Variants in C12orf75 observed in about 807,000 individuals in gnomAD.
C12orf75 encodes the protein chromosome 12 open reading frame 75.
Under a neutral mutation model 11.4 loss-of-function variants are expected in C12orf75, and 4 were observed. The observed-to-expected ratio is 0.35, with a 90% CI of 0.17 to 0.80. C12orf75 has a LOEUF of 0.80. Among genes scored for constraint, C12orf75 ranks in the 30% least tolerant of loss-of-function variants. The probability of loss-of-function intolerance (pLI) is 0.52; values close to 1 mark genes in which losing one functional copy is unlikely to be tolerated. For synonymous variants in C12orf75, 30 were observed against 30.0 expected (o/e 1.00, Z 0.00); for missense variants, 89 against 80.4 (o/e 1.11, Z -0.41).
chr12:105,357,182 A>G (rs1163604517), intron 2 of C12orf75, among the ~76,000 whole-genome samples: 1 of 152,208 alleles, frequency 6.6e-6, no homozygotes, highest in Admixed American at 6.5e-5. Flanking sequence ...ATAACTACCT[A>G]GAGAATCTGG....
intron 5 of C12orf75, among the ~76,000 whole-genome samples, chr12:105,369,474 G>T (rs1166449956): frequency 6.6e-6 from 1 of 151,772 alleles, no homozygotes; most frequent in Non-Finnish European, 1.5e-5. Flanking sequence ...TAAGTTCTGG[G>T]ATACATGTGC....
intron 4 of C12orf75, 144 bp from the exon 5 acceptor site, chr12:105,367,328 A>C: frequency 2.7e-6 from 1 of 364,882 alleles, no homozygotes; most frequent in Non-Finnish European, 5.3e-6. Context: ...TGAACATACT[A>C]TATTTGTTCC....
chr12:105,336,632 C>G (rs1350840330), intron 1 of C12orf75, among the ~76,000 whole-genome samples: 1 of 152,172 alleles, frequency 6.6e-6, no homozygotes, highest in African/African-American at 2.4e-5. Flanking sequence ...TGGATCATGG[C>G]TGTGGGCCCT....
At chr12:105,342,354 C>T (rs1466964447) in intron 1 of C12orf75, among the ~76,000 whole-genome samples, 1 of 152,132 alleles carries the variant, frequency 6.6e-6, no homozygotes, top group Non-Finnish European at 1.5e-5. Context: ...CAAGTTTGGC[C>T]CCTTCTTGCG....
At chr12:105,344,340 C>T (rs539844260) in intron 1 of C12orf75, among the ~76,000 whole-genome samples, 11 of 152,164 alleles carry the variant, frequency 7.2e-5, no homozygotes, top group Non-Finnish European at 1.3e-4. Context: ...CTTCTGATTC[C>T]ACACTGTTCT....
intron 5 of C12orf75, among the ~76,000 whole-genome samples, chr12:105,370,110 G>A (rs1206268457): frequency 1.3e-5 from 2 of 152,214 alleles, no homozygotes; most frequent in Non-Finnish European, 2.9e-5. Context: ...GGATGCAGAT[G>A]TGTAGTTTCT....
At chr12:105,331,033 CT>C (rs1289613336) in intron 1 of C12orf75, 96 bp downstream of exon 1, 28 of 774,302 alleles carry the variant, frequency 3.6e-5, no homozygotes, top group Admixed American at 4.4e-5. Flanking sequence ...GCGCAGCCCC[CT>C]CTCCCCGTCC....
chr12:105,330,763 C>T lies in C12orf75; in HGVS notation c.-129C>T. On this transcript the variant is annotated 5_prime_UTR_variant, in exon 1 of 6. Transcript: ENST00000443585. ...CCCGGCGGTGGGAGGGGGCGGCCCC[C>T]ACTCGGTTCCTGGCCCCTCGCGGCC... The T allele has an allele frequency of 1.1e-6, 1 of 946,252 alleles. No individual in the cohort carries two copies. The highest frequency in any genetic ancestry group is 1.3e-6 in the Non-Finnish European group (1 of 741,712). The allele number at this position is 946,252 out of a possible 1,614,324, so 58.6% of individuals were successfully genotyped here.
At chr12:105,353,999 T>G (rs184017563) in intron 2 of C12orf75, among the ~76,000 whole-genome samples, 3 of 152,348 alleles carry the variant, frequency 2.0e-5, no homozygotes, top group African/African-American at 7.2e-5. Context: ...TCTTTTATGT[T>G]GAGTTTCTTG....
chr12:105,349,653 A>C (rs987828691), intron 2 of C12orf75, among the ~76,000 whole-genome samples: 2 of 152,168 alleles, frequency 1.3e-5, no homozygotes, highest in East Asian at 3.8e-4. Context: ...AGGCGGGTGG[A>C]TCACTTGAGG....
chr12:105,335,426 T>C (rs1236745596), intron 1 of C12orf75, among the ~76,000 whole-genome samples: 3 of 152,226 alleles, frequency 2.0e-5, no homozygotes, highest in Non-Finnish European at 2.9e-5. Context: ...TTTGTTGATA[T>C]CATTTTTATC....
intron 1 of C12orf75, among the ~76,000 whole-genome samples, chr12:105,347,048 A>T (rs905378696): frequency 6.6e-6 from 1 of 152,196 alleles, no homozygotes; most frequent in Admixed American, 6.5e-5. Flanking sequence ...CCCTCATTTG[A>T]CATAAGGGAG....
chr12:105,348,263 A>G (rs1184042723), intron 1 of C12orf75, among the ~76,000 whole-genome samples: 3 of 152,086 alleles, frequency 2.0e-5, no homozygotes. Context: ...AAAAATACAA[A>G]AATTAACCAG....
Position 105,338,499 on chromosome 12 carries a change from G to A in C12orf75, c.46+7562G>A, listed in dbSNP as rs184038969. ...ATTTTTTGGTTTTTACTTGCCTAAA[G>A]TATAGCTGCTTGTCTTAGTTCATTT... On this transcript the variant is annotated intron_variant, in intron 1 of 5. Transcript: ENST00000443585. 1.3e-3 allele frequency among the ~76,000 whole-genome samples: 192 copies of A among 152,290 alleles called. 2 individuals carry two copies. Among genetic ancestry groups the A allele is most frequent in the African/African-American group, 4.5e-3 (189 of 41,556 alleles).
intron 5 of C12orf75, among the ~76,000 whole-genome samples, chr12:105,368,133 A>C (rs1161481699): frequency 1.3e-5 from 2 of 152,146 alleles, no homozygotes; most frequent in Non-Finnish European, 2.9e-5. Context: ...AAACAAGAAC[A>C]ACGACAAGAG....
At chr12:105,359,998 A>G (rs1183659012) in intron 2 of C12orf75, among the ~76,000 whole-genome samples, 2 of 152,054 alleles carry the variant, frequency 1.3e-5, no homozygotes, top group Non-Finnish European at 2.9e-5. Context: ...CACTTTGTTT[A>G]TCTCCTCCAG....
chr12:105,337,608 C>A (rs920151634), intron 1 of C12orf75, among the ~76,000 whole-genome samples: 7 of 152,136 alleles, frequency 4.6e-5, no homozygotes, highest in African/African-American at 1.2e-4. Context: ...ATCTCTTGAT[C>A]TACCAAAATG....
At chr12:105,359,773 G>GAAA (rs34188320) in intron 2 of C12orf75, among the ~76,000 whole-genome samples, 1 of 83,230 alleles carries the variant, frequency 1.2e-5, no homozygotes, top group East Asian at 5.2e-4. Context: ...TCCTTCTCCA[G>GAAA]AAAAAAAAAA....
At chr12:105,357,778 CTGTGTGTGTGTG>C (rs67643973) in intron 2 of C12orf75, among the ~76,000 whole-genome samples, 4 of 137,338 alleles carry the variant, frequency 2.9e-5, no homozygotes, top group East Asian at 2.1e-4. Context: ...AATGTATTTT[CTGTGTGTGTGTG>C]TGTGTGTGTG....
Sources: gnomAD v4.1 joint callset for allele counts (sites outside exome capture counted in the v4.1 genomes callset) on GRCh38, gnomAD v4.1.1 for gene constraint, MANE v1.5 for transcripts, NCBI Gene and HGNC (gene_info 2026-07-23, HGNC 2026-07-21) for gene names.